The following SLC30A5 variants were observed in gnomAD, a reference collection of about 807,000 sequenced individuals.
SLC30A5 encodes the protein proton-coupled zinc antiporter SLC30A5.
SLC30A5 carries 33 observed loss-of-function variants against 79.6 expected under a neutral mutation model. That is an observed-to-expected ratio of 0.41 (90% confidence interval 0.31 to 0.55). The LOEUF is 0.55. Among genes scored for constraint, SLC30A5 ranks in the 20% least tolerant of loss-of-function variants. SLC30A5 has a pLI of 0.20. For synonymous variants in SLC30A5, 299 were observed against 319.7 expected (o/e 0.94, Z 0.69); for missense variants, 788 against 928.1 (o/e 0.85, Z 1.96).
In SLC30A5 at chr5:69,105,865, G is replaced by T. The variant is rs116121427; in HGVS notation, c.359+1149G>T. Among the ~76,000 whole-genome samples, 898 of 152,274 alleles carry T rather than the reference G, an allele frequency of 5.9e-3. 12 individuals carry two copies. Among genetic ancestry groups the T allele is most frequent in the African/African-American group, 0.02 (841 of 41,560 alleles). On this transcript the variant is annotated intron_variant, in intron 4 of 15. Transcript: ENST00000396591. ...AGGAACCCTGTTGTGAACTGTGCAT[G>T]GGAGGGATATCTAGGTTGCATGCTC...
intron 4 of SLC30A5, among the ~76,000 whole-genome samples, 193 bp downstream of exon 4, chr5:69,104,909 T>A (rs1157643692): frequency 6.6e-6 from 1 of 152,230 alleles, no homozygotes; most frequent in Non-Finnish European, 1.5e-5. Context: ...ATACCATTAA[T>A]ATATTTATTC....
At chr5:69,118,379 A>G (rs951445515) in intron 11 of SLC30A5, 120 bp from the exon 12 acceptor site, 3 of 551,404 alleles carry the variant, frequency 5.4e-6, no homozygotes, top group Non-Finnish European at 5.8e-6. Context: ...AAATATTGCT[A>G]ATTTTCTATT....
Position 69,130,308 on chromosome 5 carries a change from A to G in SLC30A5, c.*691A>G, listed in dbSNP as rs1561302296. 1 of 152,170 alleles carries G rather than the reference A, an allele frequency of 6.6e-6. No individual in the cohort carries two copies. The highest frequency in any genetic ancestry group is 2.4e-5 in the African/African-American group (1 of 41,452). The allele number at this position is 152,170 out of a possible 1,614,324, so 9.4% of individuals were successfully genotyped here. A position where few individuals can be genotyped will look rare whatever the true frequency, so the allele number is the denominator to read the frequency against. The stretch of plus-strand genomic sequence containing the variant: ...ATTAATTTATTAGGGTAAAGAACTT[A>G]TACTAAGTTGTGTCCATGTTATTCA... On this transcript the variant is annotated 3_prime_UTR_variant, in exon 16 of 16. Coordinates refer to ENST00000396591, the MANE Select transcript of SLC30A5 (RefSeq NM_022902.5).
intron 2 of SLC30A5, among the ~76,000 whole-genome samples, chr5:69,101,381 C>T (rs1460149857): frequency 1.3e-5 from 2 of 151,624 alleles, no homozygotes; most frequent in South Asian, 2.1e-4. Flanking sequence ...TATGTTCAAG[C>T]GATTCTCCTG....
intron 4 of SLC30A5, among the ~76,000 whole-genome samples, chr5:69,107,112 C>T (rs970040967): frequency 1.3e-5 from 2 of 152,190 alleles, no homozygotes; most frequent in African/African-American, 2.4e-5. Context: ...ATCCACCCTT[C>T]TCACCCTCCC....
chr5:69,100,688 A>C, intron 1 of SLC30A5, 119 bp from the exon 2 acceptor site: 2 of 748,470 alleles, frequency 2.7e-6, no homozygotes. Flanking sequence ...GTTTTGTTTC[A>C]TTTTGTGTTT....
At chr5:69,109,699 C>A (rs164712) in intron 5 of SLC30A5, among the ~76,000 whole-genome samples, 1 of 151,848 alleles carries the variant, frequency 6.6e-6, no homozygotes, top group Non-Finnish European at 1.5e-5. Context: ...CCTATTCATC[C>A]TAAGTGATTC....
At chr5:69,117,841 C>A (rs1035447092) in intron 11 of SLC30A5, among the ~76,000 whole-genome samples, 1 of 149,156 alleles carries the variant, frequency 6.7e-6, no homozygotes, top group African/African-American at 2.5e-5. Context: ...CGTGCCACTG[C>A]ACTCCAGCCT....
At position 69,115,973 on chromosome 5, in the gene SLC30A5, T is replaced by G; in HGVS notation, c.831T>G (p.Val277=). 6.2e-7 allele frequency: 1 copy of G among 1,614,020 alleles called. No individual in the cohort carries two copies. The highest frequency in any genetic ancestry group is 2.2e-5 in the East Asian group (1 of 44,880). ...WFSLIMPFAT[V]IFFVMILDFY... ...CTCTCATTATGCCTTTTGCAACGGT[T>G]ATCTTTTTTGTCATGATCCTGGATT... The change falls in exon 9 of 16, where the codon GTT becomes GTG. Residue 277 remains valine (V), a synonymous_variant. Transcript: ENST00000396591.
At chr5:69,098,791 T>C (rs557539768) in intron 1 of SLC30A5, among the ~76,000 whole-genome samples, 1 of 152,334 alleles carries the variant, frequency 6.6e-6, no homozygotes, top group South Asian at 2.1e-4. Flanking sequence ...TTAAATGAAA[T>C]GATATATTCA....
At chr5:69,123,081 C>A in intron 13 of SLC30A5, 118 bp from the exon 14 acceptor site, 1 of 630,188 alleles carries the variant, frequency 1.6e-6, no homozygotes, top group Non-Finnish European at 2.6e-6. Flanking sequence ...TTTTGAAGTA[C>A]TAGCCAGTAG....
In SLC30A5 at chr5:69,129,703, C is replaced by T; in HGVS notation, c.*86C>T. On this transcript the variant is annotated 3_prime_UTR_variant, in exon 16 of 16. Transcript: ENST00000396591. ...AATATTGCCAGAAGGATAAAAATTACACATTAACTGTACAGAAACAGAGTT... is the reference window on the plus strand; with the variant it reads ...AATATTGCCAGAAGGATAAAAATTATACATTAACTGTACAGAAACAGAGTT... The T allele has an allele frequency of 8.0e-7, 1 of 1,250,882 alleles. No homozygotes were observed. The allele number at this position is 1,250,882 out of a possible 1,614,324, so 77.5% of individuals were successfully genotyped here. A position where few individuals can be genotyped will look rare whatever the true frequency, so the allele number is the denominator to read the frequency against.
chr5:69,128,227 T>C (rs1746755873), intron 15 of SLC30A5, 95 bp downstream of exon 15: 1 of 832,000 alleles, frequency 1.2e-6, no homozygotes, highest in Non-Finnish European at 1.8e-6. Context: ...CATTTACTAT[T>C]CAGAAATATC....
intron 5 of SLC30A5, 73 bp from the exon 6 acceptor site, chr5:69,113,067 T>A: frequency 8.4e-7 from 1 of 1,188,636 alleles, no homozygotes; most frequent in South Asian, 1.3e-5. Context: ...TTTTCTTTAG[T>A]ATTTATGTAG....
chr5:69,129,579 T>C lies in SLC30A5; in HGVS notation c.2260T>C (p.Ser754Pro). 6.2e-7 allele frequency: 1 copy of C among 1,613,206 alleles called. No homozygotes were observed. The highest frequency in any genetic ancestry group is 8.5e-7 in the Non-Finnish European group (1 of 1,179,664). The stretch of plus-strand genomic sequence containing the variant: ...TCTGGCTATGACAAAACAAATGGAA[T>C]CCATGAAATACTGCAAAGATGGTAC... Reference protein sequence around the residue: ...DVLAMTKQMESMKYCKDGTYI... With the variant: ...DVLAMTKQMEPMKYCKDGTYI... Residue 754 changes from serine (S) to proline (P), a missense_variant, in exon 16 of 16, where the codon TCC becomes CCC. Ser to Pro is a moderately conservative substitution (Grantham distance 74). Around this residue, in one of 3 missense-constraint regions of SLC30A5, gnomAD observed 158 missense variants for 156.2 expected, o/e 1.01. Transcript: ENST00000396591.
At chr5:69,118,801 CTTTTTTTTTT>C (rs35781175) in intron 12 of SLC30A5, among the ~76,000 whole-genome samples, 173 bp downstream of exon 12, 3 of 97,324 alleles carry the variant, frequency 3.1e-5, no homozygotes, top group Non-Finnish European at 4.0e-5. Context: ...TAGAAATTCT[CTTTTTTTTTT>C]TTTTTTTTTT....
chr5:69,115,791 C>T, intron 8 of SLC30A5, 135 bp from the exon 9 acceptor site: 1 of 774,192 alleles, frequency 1.3e-6, no homozygotes, highest in Non-Finnish European at 2.0e-6. Flanking sequence ...TATCTTATAG[C>T]TTTTATATGT....
chr5:69,116,575 G>A lies in SLC30A5; in HGVS notation c.1254G>A (p.Gln418=). The stretch of plus-strand genomic sequence containing the variant: ...TTCTTGAGGAGAGTGACTCTAGGCA[G>A]ATCTTTTACTTCTTGTGCTTGAATC... ...KQILEESDSR[Q]IFYFLCLNLL... Residue 418 remains glutamine, a synonymous_variant, in exon 10 of 16, where the codon CAG becomes CAA. Coordinates refer to ENST00000396591, the MANE Select transcript of SLC30A5 (RefSeq NM_022902.5). This position sits in a 1 kb window ranked among gnomAD's most constrained non-coding sequence, Gnocchi z 4.0. The A allele has an allele frequency of 6.4e-7, 1 of 1,572,168 alleles. No individual in the cohort carries two copies.
At chr5:69,094,672 G>T (rs561044575) in intron 1 of SLC30A5, among the ~76,000 whole-genome samples, 132 of 152,144 alleles carry the variant, frequency 8.7e-4, no homozygotes, top group African/African-American at 3.1e-3. Context: ...AAATAGTCTG[G>T]CGACTACTTA....
Sources: allele counts gnomAD v4.1 joint callset (sites outside exome capture counted in the v4.1 genomes callset), GRCh38; gene constraint gnomAD v4.1.1; regional missense constraint gnomAD v4.1.1; non-coding constraint Gnocchi (gnomAD v3.1); transcripts MANE v1.5; gene names NCBI Gene and HGNC (gene_info 2026-07-23, HGNC 2026-07-21).